Variants in KCNK1 observed in about 807,000 individuals in gnomAD.
KCNK1 encodes potassium two pore domain channel subfamily K member 1, also known as potassium channel subfamily K member 1.
A neutral mutation model predicts 22.2 loss-of-function variants in KCNK1; 10 were observed. That is an observed-to-expected ratio of 0.45 (90% confidence interval 0.28 to 0.76). KCNK1 has a LOEUF of 0.76. Ranked by LOEUF, KCNK1 falls within the 30% of genes least tolerant of loss-of-function variation. The pLI, the probability that KCNK1 is intolerant of heterozygous loss-of-function variation, is 0.14. For missense variants in KCNK1, 378 were observed against 421.0 expected (o/e 0.90, Z 0.89); for synonymous variants, 200 against 186.4 (o/e 1.07, Z -0.60).
intron 1 of KCNK1, among the ~76,000 whole-genome samples, chr1:233,665,492 A>G (rs1374669187): frequency 1.3e-5 from 2 of 151,710 alleles, no homozygotes; most frequent in Admixed American, 6.6e-5. Flanking sequence ...AGTATACTTA[A>G]TCAATAGATA....
At chr1:233,623,880 C>T (rs1004758065) in intron 1 of KCNK1, among the ~76,000 whole-genome samples, 7 of 151,996 alleles carry the variant, frequency 4.6e-5, no homozygotes, top group South Asian at 2.1e-4. Context: ...CGTGAGCCAC[C>T]GCACCTTGCC....
intron 1 of KCNK1, among the ~76,000 whole-genome samples, chr1:233,662,557 A>G (rs1411349754): frequency 6.6e-6 from 1 of 152,152 alleles, no homozygotes; most frequent in African/African-American, 2.4e-5. Context: ...TACCAGAAAA[A>G]TCTAGCGAAG....
intron 1 of KCNK1, among the ~76,000 whole-genome samples, chr1:233,665,445 A>C (rs909871456): frequency 6.6e-6 from 1 of 152,248 alleles, no homozygotes; most frequent in African/African-American, 2.4e-5. Context: ...CACACAAGCC[A>C]CTTCACAAGT....
chr1:233,668,577 A>G (rs1420355623), intron 2 of KCNK1, among the ~76,000 whole-genome samples: 3 of 152,134 alleles, frequency 2.0e-5, no homozygotes, highest in Non-Finnish European at 4.4e-5. Context: ...GCTTTCTTCT[A>G]ATTCAGGGGT....
chr1:233,668,845 T>C lies in KCNK1; in HGVS notation c.751+1855T>C, dbSNP rs1658544976. Among the ~76,000 whole-genome samples, 4 of 152,328 alleles carry C rather than the reference T, an allele frequency of 2.6e-5. No individual in the cohort carries two copies. In the South Asian group the frequency reaches 6.2e-4, roughly 24 times the overall value. ...TAGTCACGAACTCCTGACTTCGTGA[T>C]CTGCCCGCCTCAGCCTACCAAAGTG... On this transcript the variant is annotated intron_variant, in intron 2 of 2. Coordinates refer to ENST00000366621, the MANE Select transcript of KCNK1 (RefSeq NM_002245.4).
At chr1:233,647,285 G>C (rs1344719955) in intron 1 of KCNK1, among the ~76,000 whole-genome samples, 1 of 152,190 alleles carries the variant, frequency 6.6e-6, no homozygotes, top group Non-Finnish European at 1.5e-5. Context: ...GAGGGAGGCT[G>C]TTCTGGTTTA....
chr1:233,667,684 C>A (rs558568404), intron 2 of KCNK1, among the ~76,000 whole-genome samples: 63 of 138,096 alleles, frequency 4.6e-4, no homozygotes, highest in African/African-American at 1.5e-3. Flanking sequence ...GAGCCGAGAT[C>A]GCGCCACTGC....
At chr1:233,655,478 G>T (rs1658275376) in intron 1 of KCNK1, among the ~76,000 whole-genome samples, 1 of 152,158 alleles carries the variant, frequency 6.6e-6, no homozygotes, top group African/African-American at 2.4e-5. Flanking sequence ...CATTTTGCGT[G>T]TGAGAAGGAC....
intron 1 of KCNK1, among the ~76,000 whole-genome samples, chr1:233,647,464 T>C (rs12096869): frequency 0.5 from 76,266 of 151,866 alleles, 19,876 homozygotes; most frequent in African/African-American, 0.61. Flanking sequence ...TTTTGAGGTC[T>C]CTTCAGAGGA....
At chr1:233,642,863 G>A (rs1658023129) in intron 1 of KCNK1, among the ~76,000 whole-genome samples, 1 of 151,972 alleles carries the variant, frequency 6.6e-6, no homozygotes, top group Non-Finnish European at 1.5e-5. Context: ...CTGCCTCCTG[G>A]GCTTGAACGA....
intron 1 of KCNK1, chr1:233,631,267 G>A: frequency 1.9e-6 from 1 of 531,136 alleles, no homozygotes; most frequent in South Asian, 1.4e-5. Context: ...GCGGGTTTCT[G>A]ACAACATCAA....
intron 1 of KCNK1, among the ~76,000 whole-genome samples, chr1:233,634,986 G>A (rs2102890846): frequency 6.6e-6 from 1 of 152,196 alleles, no homozygotes; most frequent in East Asian, 1.9e-4. Context: ...CTACTCCTTG[G>A]CCCAGCTCCA....
At chr1:233,659,353 A>G (rs1157654867) in intron 1 of KCNK1, among the ~76,000 whole-genome samples, 1 of 150,950 alleles carries the variant, frequency 6.6e-6, no homozygotes, top group Non-Finnish European at 1.5e-5. Context: ...TATGATAACA[A>G]TGCTTTCTTC....
chr1:233,670,070 T>A (rs1658570540), intron 2 of KCNK1, among the ~76,000 whole-genome samples: 1 of 152,206 alleles, frequency 6.6e-6, no homozygotes, highest in South Asian at 2.1e-4. Context: ...AATCAGAATT[T>A]TTGTTATTCT....
intron 2 of KCNK1, among the ~76,000 whole-genome samples, chr1:233,667,729 C>CAAAAAAA (rs71170433): frequency 1.6e-4 from 14 of 86,060 alleles, no homozygotes; most frequent in Admixed American, 3.2e-4. Context: ...GACTCCGTCT[C>CAAAAAAA]AAAAAAAAAA....
intron 1 of KCNK1, among the ~76,000 whole-genome samples, chr1:233,621,621 A>T (rs1372073682): frequency 6.6e-6 from 1 of 152,202 alleles, no homozygotes; most frequent in Non-Finnish European, 1.5e-5. Flanking sequence ...AAATTCTAGA[A>T]ACATTTCCAC....
intron 1 of KCNK1, among the ~76,000 whole-genome samples, chr1:233,644,420 T>A (rs1296004029): frequency 6.6e-6 from 1 of 152,186 alleles, no homozygotes; most frequent in African/African-American, 2.4e-5. Context: ...AGGCATACAA[T>A]GATAAACAAG....
intron 1 of KCNK1, among the ~76,000 whole-genome samples, chr1:233,659,234 C>T (rs1464160119): frequency 2.7e-5 from 4 of 150,440 alleles, no homozygotes; most frequent in Non-Finnish European, 3.0e-5. Context: ...AACTAAGACA[C>T]GAACACACAC....
chr1:233,634,946 A>G (rs1457316921), intron 1 of KCNK1, among the ~76,000 whole-genome samples: 1 of 152,204 alleles, frequency 6.6e-6, no homozygotes, highest in African/African-American at 2.4e-5. Context: ...AAATTGATAT[A>G]TATTATAACC....
Sources: gnomAD v4.1 joint callset for allele counts (sites outside exome capture counted in the v4.1 genomes callset) on GRCh38, gnomAD v4.1.1 for gene constraint, MANE v1.5 for transcripts, NCBI Gene and HGNC (gene_info 2026-07-23, HGNC 2026-07-21) for gene names.